Variants in SP4 observed in about 807,000 individuals in gnomAD.
The protein encoded by SP4 is Sp4 transcription factor.
Under a neutral mutation model 72.8 loss-of-function variants are expected in SP4, and 19 were observed. The ratio of observed to expected loss-of-function variants is 0.26; its 90% CI spans 0.18 to 0.38. The LOEUF is 0.38. Among genes scored for constraint, SP4 ranks in the 10% least tolerant of loss-of-function variants. The pLI, the probability that SP4 is intolerant of heterozygous loss-of-function variation, is 1.00. For synonymous variants in SP4, 395 were observed against 333.1 expected (o/e 1.19, Z -2.02); for missense variants, 1,008 against 926.3 (o/e 1.09, Z -1.14).
intron 1 of SP4, 80 bp from the exon 2 acceptor site, chr7:21,428,597 G>A: frequency 5.9e-6 from 8 of 1,357,960 alleles, no homozygotes; most frequent in South Asian, 1.4e-5. Flanking sequence ...GGAGGGGGGA[G>A]AAGAGGAGAG....
intron 3 of SP4, among the ~76,000 whole-genome samples, chr7:21,447,512 A>G (rs1244824763): frequency 6.6e-6 from 1 of 152,220 alleles, no homozygotes; most frequent in African/African-American, 2.4e-5. Context: ...CTAGAAGGTG[A>G]AGAATATCAT....
chr7:21,448,996 C>T (rs905428413), intron 3 of SP4, among the ~76,000 whole-genome samples: 1 of 152,132 alleles, frequency 6.6e-6, no homozygotes, highest in Non-Finnish European at 1.5e-5. Flanking sequence ...TTAACCATTT[C>T]CTAAAGACAA....
intron 5 of SP4, among the ~76,000 whole-genome samples, chr7:21,483,791 A>ATT (rs533183581): frequency 3.4e-5 from 5 of 149,164 alleles, no homozygotes; most frequent in Admixed American, 6.7e-5. Flanking sequence ...TTCTTTCTTT[A>ATT]TTTTTTTTTC....
At position 21,430,094 on chromosome 7, in the gene SP4, C is replaced by A; in HGVS notation, c.929C>A (p.Ser310Tyr). Residue 310 changes from serine (S) to tyrosine (Y), a missense_variant, in exon 3 of 6, where the codon TCT (serine) becomes TAT (tyrosine). Ser to Tyr is a moderately radical substitution (Grantham distance 144, BLOSUM62 -2). Transcript: ENST00000222584. ...LVSTPTNTTT[S>Y]ASTMPESPSS... ...TCCACACCCACCAACACCACTACTTCTGCCAGTACTATGCCAGAATCTCCC... is the reference window on the plus strand; with the variant it reads ...TCCACACCCACCAACACCACTACTTATGCCAGTACTATGCCAGAATCTCCC... The A allele has an allele frequency of 6.2e-7, 1 of 1,614,206 alleles. No individual in the cohort carries two copies. The highest frequency in any genetic ancestry group is 8.5e-7 in the Non-Finnish European group (1 of 1,180,034).
intron 5 of SP4, among the ~76,000 whole-genome samples, chr7:21,497,637 G>T (rs1376303435): frequency 6.6e-6 from 1 of 152,148 alleles, no homozygotes; most frequent in Non-Finnish European, 1.5e-5. Context: ...AATGATCCTT[G>T]TGTTGATGAG....
chr7:21,511,044 G>A lies in SP4; in HGVS notation c.2130G>A (p.Pro710=), dbSNP rs752320116. 1.4e-5 allele frequency: 23 copies of A among 1,609,252 alleles called. No homozygotes were observed. Among genetic ancestry groups the A allele is most frequent in the South Asian group, 2.2e-5 (2 of 90,628 alleles). ...THTGEKRFEC[P]ECSKRFMRSD... is the part of the protein sequence containing the mutation. ...TAGGTGAAAAGAGATTTGAATGCCC[G>A]GAATGTTCTAAAAGGTTTATGCGGA... The change falls in exon 6 of 6, where the codon CCG becomes CCA. Residue 710 remains proline, a synonymous_variant. Coordinates refer to ENST00000222584, the MANE Select transcript of SP4 (RefSeq NM_003112.5).
chr7:21,471,048 T>C (rs117638907), intron 3 of SP4: 7,892 of 534,468 alleles, frequency 0.015, 110 homozygotes, highest in South Asian at 0.03. Context: ...ATGTGTTGGA[T>C]TCCAGCTATA....
intron 5 of SP4, among the ~76,000 whole-genome samples, chr7:21,503,479 G>A (rs774998409): frequency 5.3e-5 from 8 of 152,166 alleles, no homozygotes; most frequent in African/African-American, 1.9e-4. Flanking sequence ...CCAGAGGAAG[G>A]GAGATGCCAA....
At chr7:21,449,869 T>C (rs1363923306) in intron 3 of SP4, among the ~76,000 whole-genome samples, 1 of 152,230 alleles carries the variant, frequency 6.6e-6, no homozygotes, top group Non-Finnish European at 1.5e-5. Context: ...TCTTTTCTTC[T>C]TGCCTTTCTC....
At chr7:21,502,374 G>A (rs1478873808) in intron 5 of SP4, among the ~76,000 whole-genome samples, 3 of 152,106 alleles carry the variant, frequency 2.0e-5, no homozygotes, top group Admixed American at 1.3e-4. Context: ...CCTGCCTGGA[G>A]AGGCAAGAGG....
At chr7:21,495,255 C>G (rs1434469912) in intron 5 of SP4, among the ~76,000 whole-genome samples, 1 of 152,012 alleles carries the variant, frequency 6.6e-6, no homozygotes, top group Non-Finnish European at 1.5e-5. Context: ...AAACTAAAAA[C>G]TTTTGCTCTG....
At chr7:21,451,454 G>C (rs1486512147) in intron 3 of SP4, among the ~76,000 whole-genome samples, 4 of 152,098 alleles carry the variant, frequency 2.6e-5, no homozygotes, top group Non-Finnish European at 5.9e-5. Flanking sequence ...TCCCTTAAGA[G>C]TCCAAGACCC....
intron 3 of SP4, among the ~76,000 whole-genome samples, chr7:21,458,435 C>T (rs1256621986): frequency 2.0e-5 from 3 of 152,164 alleles, no homozygotes; most frequent in East Asian, 1.9e-4. Flanking sequence ...CCACCTGCCT[C>T]GGCCTCCCAA....
At chr7:21,452,066 G>A (rs1370896218) in intron 3 of SP4, among the ~76,000 whole-genome samples, 1 of 152,182 alleles carries the variant, frequency 6.6e-6, no homozygotes, top group Non-Finnish European at 1.5e-5. Context: ...TCACAGGAAT[G>A]AGCAGAGTTA....
chr7:21,503,063 G>A (rs986769942), intron 5 of SP4, among the ~76,000 whole-genome samples: 27 of 152,098 alleles, frequency 1.8e-4, no homozygotes, highest in Non-Finnish European at 1.2e-4. Context: ...CTGTCTCAGT[G>A]GTCAGGAGCA....
intron 3 of SP4, among the ~76,000 whole-genome samples, chr7:21,444,395 T>G (rs1380236189): frequency 1.3e-5 from 2 of 152,240 alleles, no homozygotes; most frequent in African/African-American, 2.4e-5. Context: ...GCACTTGATC[T>G]ATTAACTTAT....
intron 5 of SP4, among the ~76,000 whole-genome samples, chr7:21,506,954 T>C (rs1322262148): frequency 6.6e-6 from 1 of 152,216 alleles, no homozygotes; most frequent in African/African-American, 2.4e-5. Flanking sequence ...ATCATTATTA[T>C]CCCATTCAGG....
At chr7:21,471,351 G>C (rs905457305) in intron 3 of SP4, among the ~76,000 whole-genome samples, 22 of 152,178 alleles carry the variant, frequency 1.4e-4, no homozygotes, top group African/African-American at 5.1e-4. Flanking sequence ...TGAAAATGGA[G>C]ACATTTGAGA....
chr7:21,474,143 A>T (rs928098029), intron 3 of SP4, among the ~76,000 whole-genome samples: 1 of 152,200 alleles, frequency 6.6e-6, no homozygotes, highest in African/African-American at 2.4e-5. Context: ...GACCAGAGGG[A>T]TCAGGAATCT....
Sources: allele counts gnomAD v4.1 joint callset (sites outside exome capture counted in the v4.1 genomes callset), GRCh38; gene constraint gnomAD v4.1.1; transcripts MANE v1.5; gene names NCBI Gene and HGNC (gene_info 2026-07-23, HGNC 2026-07-21).